BAALC: variants seen among roughly 807,000 people sequenced by gnomAD.
The protein encoded by BAALC is BAALC binder of MAP3K1 and KLF4, also known as brain and acute leukemia cytoplasmic protein.
BAALC carries 9 observed loss-of-function variants against 15.5 expected under a neutral mutation model. The ratio of observed to expected loss-of-function variants is 0.58; its 90% CI spans 0.35 to 1.02. The LOEUF (loss-of-function observed/expected upper bound fraction) is 1.02. Ranked by LOEUF, BAALC falls within the 50% of genes least tolerant of loss-of-function variation. The probability of loss-of-function intolerance (pLI) is 0.02; values close to 1 mark genes in which losing one functional copy is unlikely to be tolerated. For synonymous variants in BAALC, 80 were observed against 74.6 expected (o/e 1.07, Z -0.37); for missense variants, 201 against 192.4 (o/e 1.04, Z -0.27).
chr8:103,182,071 A>G (rs1448646263), intron 1 of BAALC, among the ~76,000 whole-genome samples: 1 of 152,204 alleles, frequency 6.6e-6, no homozygotes, highest in African/African-American at 2.4e-5. Flanking sequence ...TGCTTCATCC[A>G]GAGCCTTTTC....
chr8:103,162,106 G>A (rs530442342), intron 1 of BAALC, among the ~76,000 whole-genome samples: 4 of 152,190 alleles, frequency 2.6e-5, no homozygotes, highest in Admixed American at 1.3e-4. Flanking sequence ...GACCACAGGT[G>A]AGCCACCATG....
At chr8:103,213,345 T>G in intron 2 of BAALC, 19 of 362,098 alleles carry the variant, frequency 5.2e-5, no homozygotes, top group East Asian at 4.7e-5. Context: ...CTGTGGCCAC[T>G]GTCACCATGT....
In BAALC at chr8:103,228,145, C is replaced by G; in HGVS notation, c.*46C>G. 2 of 1,292,194 alleles carry G rather than the reference C, an allele frequency of 1.5e-6. No homozygotes were observed. Among genetic ancestry groups the G allele is most frequent in the Non-Finnish European group, 2.2e-6 (2 of 892,910 alleles). 80.0% of individuals were successfully genotyped at this position (1,292,194 alleles called of 1,614,324 possible). ...GCAGATGGACTTCTTCAGTGTCCTT[C>G]ACGGCACTGGATCCCATCAAAGAAC... On this transcript the variant is annotated 3_prime_UTR_variant, in exon 3 of 3. Coordinates refer to ENST00000309982, the MANE Select transcript of BAALC (RefSeq NM_024812.3).
chr8:103,224,318 A>G (rs1164568219), intron 2 of BAALC, among the ~76,000 whole-genome samples: 1 of 148,922 alleles, frequency 6.7e-6, no homozygotes, highest in Non-Finnish European at 1.5e-5. Flanking sequence ...AGCGGGGCAC[A>G]GCGCTTGGTT....
intron 1 of BAALC, among the ~76,000 whole-genome samples, chr8:103,160,780 C>T (rs1811206850): frequency 6.6e-6 from 1 of 152,134 alleles, no homozygotes; most frequent in African/African-American, 2.4e-5. Context: ...CAGCAGGAAG[C>T]ACCCAGCACG....
intron 1 of BAALC, among the ~76,000 whole-genome samples, chr8:103,177,311 A>C (rs1358968039): frequency 1.3e-5 from 2 of 151,668 alleles, no homozygotes. Context: ...CAGTCTCCCA[A>C]GTGGCTGAGA....
intron 1 of BAALC, 139 bp downstream of exon 1, chr8:103,141,196 C>T (rs1022316808): frequency 2.0e-6 from 2 of 988,488 alleles, no homozygotes; most frequent in Non-Finnish European, 2.8e-6. Flanking sequence ...GCAGGACCTG[C>T]CCACTGATCA....
chr8:103,189,795 C>T (rs998076419), intron 1 of BAALC, among the ~76,000 whole-genome samples: 1 of 152,208 alleles, frequency 6.6e-6, no homozygotes, highest in Non-Finnish European at 1.5e-5. Flanking sequence ...GGAGCTCTTG[C>T]AAGCCAGACA....
rs184043747 is a variant in BAALC, at chr8:103,215,777, C to A, written c.327+2692C>A. On this transcript the variant is annotated intron_variant, in intron 2 of 2. Coordinates refer to ENST00000309982, the MANE Select transcript of BAALC (RefSeq NM_024812.3). ...CAACTTTAAGCAGGGAAACATACTC[C>A]GTCCAAAGTGGAGAGAGAGCAAAGA... Among the ~76,000 whole-genome samples the A allele has an allele frequency of 2.9e-3, 441 of 152,292 alleles. 2 individuals carry two copies. The highest frequency in any genetic ancestry group is 0.01 in the African/African-American group (421 of 41,558).
intron 1 of BAALC, among the ~76,000 whole-genome samples, chr8:103,153,943 CCT>C (rs1302267345): frequency 2.4e-4 from 37 of 152,252 alleles, no homozygotes; most frequent in African/African-American, 8.2e-4. Context: ...GCAGAGACCG[CCT>C]GTGCACCCTT....
At chr8:103,153,824 C>T (rs1811031723) in intron 1 of BAALC, among the ~76,000 whole-genome samples, 1 of 152,162 alleles carries the variant, frequency 6.6e-6, no homozygotes, top group African/African-American at 2.4e-5. Flanking sequence ...GTCTCTAGGG[C>T]TTGTGGACTT....
At chr8:103,198,628 G>T (rs562160242) in intron 1 of BAALC, among the ~76,000 whole-genome samples, 3 of 152,176 alleles carry the variant, frequency 2.0e-5, no homozygotes, top group African/African-American at 7.2e-5. Context: ...AGCTGGCCAG[G>T]CTCCATGGCT....
In BAALC at chr8:103,230,112, G is replaced by A. The variant is rs1812896448; in HGVS notation, c.*2013G>A. On this transcript the variant is annotated 3_prime_UTR_variant, in exon 3 of 3. Transcript: ENST00000309982. ...CTTACAGGGGAGAAGGAAATGCAGG[G>A]CACATGATCTGGCCCTCCCCAGAAC... 1 of 152,148 alleles carries A rather than the reference G, an allele frequency of 6.6e-6. No homozygotes were observed. The highest frequency in any genetic ancestry group is 2.4e-5 in the African/African-American group (1 of 41,424). 9.4% of individuals were successfully genotyped at this position (152,148 alleles called of 1,614,324 possible).
chr8:103,197,202 A>G, intron 1 of BAALC, among the ~76,000 whole-genome samples: 1 of 152,110 alleles, frequency 6.6e-6, no homozygotes, highest in East Asian at 1.9e-4. Context: ...TTGTTTTAAT[A>G]ATGTAAGTTA....
At chr8:103,192,945 T>A (rs1812005094) in intron 1 of BAALC, among the ~76,000 whole-genome samples, 1 of 152,184 alleles carries the variant, frequency 6.6e-6, no homozygotes, top group Non-Finnish European at 1.5e-5. Context: ...AGGAATGAGC[T>A]TCTCTCCCTC....
intron 1 of BAALC, among the ~76,000 whole-genome samples, chr8:103,158,205 T>C (rs1046186044): frequency 6.6e-6 from 1 of 152,232 alleles, no homozygotes; most frequent in African/African-American, 2.4e-5. Context: ...TTCTAATTTT[T>C]TGGATTTTGC....
chr8:103,215,686 T>G (rs909164928), intron 2 of BAALC, among the ~76,000 whole-genome samples: 9 of 152,204 alleles, frequency 5.9e-5, no homozygotes, highest in African/African-American at 2.2e-4. Context: ...TGAACGCATT[T>G]CGTGTCTCTG....
chr8:103,188,491 G>A (rs1047105095), intron 1 of BAALC, among the ~76,000 whole-genome samples: 1 of 152,212 alleles, frequency 6.6e-6, no homozygotes, highest in Admixed American at 6.5e-5. Context: ...CTGTATAACA[G>A]GCTGTGGTAT....
intron 1 of BAALC, among the ~76,000 whole-genome samples, chr8:103,178,927 G>A (rs1010784534): frequency 1.3e-5 from 2 of 151,704 alleles, no homozygotes; most frequent in Non-Finnish European, 2.9e-5. Flanking sequence ...AAGGGAATAT[G>A]AGAAACTTTT....
Sources: gnomAD v4.1 joint callset for allele counts (sites outside exome capture counted in the v4.1 genomes callset) on GRCh38, gnomAD v4.1.1 for gene constraint, MANE v1.5 for transcripts, NCBI Gene and HGNC (gene_info 2026-07-23, HGNC 2026-07-21) for gene names.